EXOC4: variants seen among roughly 807,000 people sequenced by gnomAD.
EXOC4 encodes SEC8-like 1.
A neutral mutation model predicts 107.2 loss-of-function variants in EXOC4; 71 were observed. The ratio of observed to expected loss-of-function variants is 0.66; its 90% CI spans 0.55 to 0.81. EXOC4 has a LOEUF of 0.81. Ranked by LOEUF, EXOC4 falls within the 30% of genes least tolerant of loss-of-function variation. The pLI, the probability that EXOC4 is intolerant of heterozygous loss-of-function variation, is 0.00. For missense variants in EXOC4, 1,108 were observed against 1,189.6 expected (o/e 0.93, Z 1.01); for synonymous variants, 456 against 441.2 (o/e 1.03, Z -0.42).
chr7:133,871,112 AT>A (rs1184293017), intron 11 of EXOC4, among the ~76,000 whole-genome samples: 1 of 152,192 alleles, frequency 6.6e-6, no homozygotes, highest in Non-Finnish European at 1.5e-5. Flanking sequence ...CTTCTTAATT[AT>A]TTTTTAACAT....
At chr7:133,327,771 G>A (rs1320139045) in intron 5 of EXOC4, among the ~76,000 whole-genome samples, 1 of 152,144 alleles carries the variant, frequency 6.6e-6, no homozygotes, top group African/African-American at 2.4e-5. Flanking sequence ...TTAATCCTGA[G>A]TTCTAATTTG....
At chr7:133,763,088 A>G (rs933173686) in intron 10 of EXOC4, among the ~76,000 whole-genome samples, 4 of 152,156 alleles carry the variant, frequency 2.6e-5, no homozygotes, top group Admixed American at 6.6e-5. Flanking sequence ...TGTTGATGCT[A>G]TAAGTCTGGG....
At chr7:133,574,978 G>A (rs569812135) in intron 9 of EXOC4, among the ~76,000 whole-genome samples, 13 of 152,252 alleles carry the variant, frequency 8.5e-5, no homozygotes, top group Admixed American at 3.3e-4. Context: ...TTTCATATGC[G>A]TTTATATTAT....
At chr7:133,593,485 C>T (rs986937397) in intron 9 of EXOC4, among the ~76,000 whole-genome samples, 6 of 152,032 alleles carry the variant, frequency 3.9e-5, no homozygotes, top group South Asian at 2.1e-4. Flanking sequence ...ATAACGTGTG[C>T]GATTATAAAA....
chr7:133,922,741 C>G (rs1047876536), intron 13 of EXOC4, among the ~76,000 whole-genome samples: 18 of 151,836 alleles, frequency 1.2e-4, no homozygotes, highest in African/African-American at 4.4e-4. Context: ...CCCAGCTACT[C>G]AGGAGGCTGA....
intron 6 of EXOC4, among the ~76,000 whole-genome samples, chr7:133,368,243 C>T (rs1321597549): frequency 6.6e-6 from 1 of 152,182 alleles, no homozygotes; most frequent in Non-Finnish European, 1.5e-5. Context: ...ACTGTAGAAT[C>T]ACAGAGGAAA....
chr7:133,608,217 C>T (rs761951852), intron 9 of EXOC4, among the ~76,000 whole-genome samples: 10 of 152,106 alleles, frequency 6.6e-5, no homozygotes, highest in Admixed American at 2.0e-4. Flanking sequence ...AATGGAAATA[C>T]ATTTTCCCTT....
At chr7:133,302,733 C>G (rs1794667126) in intron 3 of EXOC4, among the ~76,000 whole-genome samples, 1 of 151,910 alleles carries the variant, frequency 6.6e-6, no homozygotes, top group South Asian at 2.1e-4. Flanking sequence ...CACTTATGAA[C>G]CTGTTTTTTT....
In EXOC4 at chr7:134,005,071, G is replaced by A. The variant is rs752961265; in HGVS notation, c.2508G>A (p.Lys836=). 3.1e-6 allele frequency: 5 copies of A among 1,613,086 alleles called. No individual in the cohort carries two copies. In the Admixed American group the frequency reaches 8.3e-5, roughly 27 times the overall value. ...TGAGCGCCAGCCTTCAGCAGCACAA[G>A]TTCCAGTATATCTTCGAAGGTCAGA... The part of the protein sequence containing the change: ...EAMSASLQQH[K]FQYIFEGLGH... Residue 836 remains lysine (K), a synonymous_variant, in exon 16 of 18, where the codon AAG becomes AAA. Coordinates refer to ENST00000253861, the MANE Select transcript of EXOC4 (RefSeq NM_021807.4).
chr7:133,363,633 A>G (rs1025495892), intron 6 of EXOC4, among the ~76,000 whole-genome samples: 3 of 149,414 alleles, frequency 2.0e-5, no homozygotes, highest in African/African-American at 7.4e-5. Flanking sequence ...AAAAAAACCT[A>G]CTCTCGATTT....
chr7:133,317,744 C>T (rs768210745), intron 5 of EXOC4, among the ~76,000 whole-genome samples: 17 of 151,776 alleles, frequency 1.1e-4, no homozygotes, highest in Non-Finnish European at 2.1e-4. Flanking sequence ...TGTAGTGGCA[C>T]GATTTTGGCT....
At chr7:133,487,200 C>T (rs1799284545) in intron 9 of EXOC4, among the ~76,000 whole-genome samples, 1 of 152,168 alleles carries the variant, frequency 6.6e-6, no homozygotes, top group Non-Finnish European at 1.5e-5. Flanking sequence ...AAGCCGATTA[C>T]TCAGTGAAGC....
At chr7:133,529,475 T>C (rs1440921653) in intron 9 of EXOC4, among the ~76,000 whole-genome samples, 1 of 152,200 alleles carries the variant, frequency 6.6e-6, no homozygotes, top group Non-Finnish European at 1.5e-5. Flanking sequence ...AGATGCTTAG[T>C]CCTATTACTC....
chr7:133,973,170 G>T (rs1032878825), intron 14 of EXOC4, among the ~76,000 whole-genome samples: 2 of 152,180 alleles, frequency 1.3e-5, no homozygotes, highest in Non-Finnish European at 2.9e-5. Context: ...CCTACAGGGA[G>T]TTTAAAAGTC....
intron 17 of EXOC4, among the ~76,000 whole-genome samples, chr7:134,051,142 A>T (rs529044338): frequency 6.6e-6 from 1 of 152,230 alleles, no homozygotes; most frequent in African/African-American, 2.4e-5. Flanking sequence ...TGACAAGGGC[A>T]GCTGATAGAA....
intron 11 of EXOC4, among the ~76,000 whole-genome samples, chr7:133,849,093 A>G (rs1445600498): frequency 2.6e-5 from 4 of 152,218 alleles, no homozygotes; most frequent in Non-Finnish European, 5.9e-5. Flanking sequence ...ACCATTATAC[A>G]GAATTTTCAT....
At chr7:133,984,479 G>C (rs772368211) in intron 14 of EXOC4, among the ~76,000 whole-genome samples, 6 of 152,178 alleles carry the variant, frequency 3.9e-5, no homozygotes, top group Non-Finnish European at 8.8e-5. Flanking sequence ...CTATTTGGAA[G>C]ACATTAAGTT....
intron 9 of EXOC4, among the ~76,000 whole-genome samples, chr7:133,526,888 C>G (rs1240405526): frequency 1.3e-5 from 2 of 152,108 alleles, no homozygotes; most frequent in Non-Finnish European, 2.9e-5. Flanking sequence ...AGGAGAATCA[C>G]TTGAACCCAG....
chr7:133,467,584 C>CTTTT (rs35955637), intron 7 of EXOC4, among the ~76,000 whole-genome samples: 2 of 122,656 alleles, frequency 1.6e-5, no homozygotes, highest in African/African-American at 3.0e-5. Context: ...ATTACAGATT[C>CTTTT]TTTTTTTTTT....
Sources: gnomAD v4.1 joint callset for allele counts (sites outside exome capture counted in the v4.1 genomes callset) on GRCh38, gnomAD v4.1.1 for gene constraint, MANE v1.5 for transcripts, NCBI Gene and HGNC (gene_info 2026-07-23, HGNC 2026-07-21) for gene names.